The following LGALS8 variants were observed in gnomAD, a reference collection of about 807,000 sequenced individuals.
LGALS8 encodes galectin-8.
In LGALS8, 30 loss-of-function variants were observed where a neutral mutation model predicts 35.9. That is an observed-to-expected ratio of 0.83 (90% CI 0.62 to 1.13). The LOEUF (loss-of-function observed/expected upper bound fraction) is 1.13. Ranked by LOEUF, LGALS8 falls within the 50% of genes most tolerant of loss-of-function variation. The pLI, the probability that LGALS8 is intolerant of heterozygous loss-of-function variation, is 0.00. For missense variants in LGALS8, 366 were observed against 388.7 expected (o/e 0.94, Z 0.49); for synonymous variants, 138 against 136.1 (o/e 1.01, Z -0.10).
intron 4 of LGALS8, 87 bp from the exon 5 acceptor site, chr1:236,540,477 G>A: frequency 7.1e-7 from 1 of 1,413,776 alleles, no homozygotes; most frequent in Non-Finnish European, 9.4e-7. Flanking sequence ...CTGGACGCAA[G>A]GAAACATTTA....
At chr1:236,535,060 CAAAAA>C (rs5781893) in intron 2 of LGALS8, among the ~76,000 whole-genome samples, 1 of 64,902 alleles carries the variant, frequency 1.5e-5, no homozygotes, top group Non-Finnish European at 2.8e-5. Flanking sequence ...GACTCTGTCT[CAAAAA>C]AAAAAAAAAA....
intron 4 of LGALS8, 154 bp from the exon 5 acceptor site, chr1:236,540,410 G>T: frequency 2.7e-6 from 2 of 736,044 alleles, no homozygotes; most frequent in Non-Finnish European, 2.0e-6. Flanking sequence ...AGTGTTTTGG[G>T]TGCTTTCGGT....
rs902975761 is a variant in LGALS8, at chr1:236,529,899, C to T, written c.45+3784C>T. On this transcript the variant is annotated intron_variant, in intron 2 of 9. Coordinates refer to ENST00000366584, the MANE Select transcript of LGALS8 (RefSeq NM_201544.4). The stretch of plus-strand genomic sequence containing the variant: ...AACTCCTGAGCTCAGGCAATCCGCC[C>T]GCCTCGGCCTCCCAAAGTGCTAGGA... Among the ~76,000 whole-genome samples the T allele has an allele frequency of 2.2e-4, 33 of 152,218 alleles. 1 individual carries two copies. The highest frequency in any genetic ancestry group is 2.0e-3 in the Admixed American group (30 of 15,286).
chr1:236,547,466 C>T (rs1662439954), intron 9 of LGALS8, among the ~76,000 whole-genome samples: 1 of 152,136 alleles, frequency 6.6e-6, no homozygotes, highest in African/African-American at 2.4e-5. Context: ...GATCACCAAG[C>T]AGCTGTAAAA....
chr1:236,538,911 T>A lies in LGALS8; in HGVS notation c.167T>A (p.Met56Lys), dbSNP rs747942463. 1.5e-5 allele frequency: 24 copies of A among 1,613,178 alleles called. No homozygotes were observed. Among genetic ancestry groups the A allele is most frequent in the Non-Finnish European group, 1.9e-5 (22 of 1,179,982 alleles). ...FQVDLQNGSS[M>K]KPRADVAFHF... ...GTGGATCTGCAGAATGGCAGCAGCA[T>A]GAAACCTCGAGCCGATGTGGCCTTT... Residue 56 changes from methionine to lysine, a missense_variant, in exon 4 of 10, where the codon ATG (methionine) becomes AAG (lysine). Transcript: ENST00000366584.
chr1:236,543,907 G>C (rs1662192640), intron 8 of LGALS8, among the ~76,000 whole-genome samples: 1 of 151,812 alleles, frequency 6.6e-6, no homozygotes, highest in African/African-American at 2.4e-5. Flanking sequence ...TCCTTGCCTT[G>C]TAGAACTCCA....
Position 236,544,726 on chromosome 1 carries a change from T to C in LGALS8, c.639-24T>C, listed in dbSNP as rs755077179. On this transcript the variant is annotated intron_variant, in intron 8 of 9. Transcript: ENST00000366584. ...TGTCCTACTTGGTTAATTAAGGTTT[T>C]TTTTTTTCTTTCTTTCTCAAAAGCT... The C allele has an allele frequency of 5.7e-6, 9 of 1,570,026 alleles. No homozygotes were observed. In the African/African-American group the frequency reaches 1.2e-4, roughly 22 times the overall value.
chr1:236,525,406 T>A (rs1239727843), intron 1 of LGALS8: 10 of 24,704 alleles, frequency 4.0e-4, no homozygotes, highest in African/African-American at 5.0e-4. Context: ...ATTAATTAAA[T>A]TTTTTTTTTT....
intron 2 of LGALS8, among the ~76,000 whole-genome samples, chr1:236,528,773 G>A (rs1660975278): frequency 6.6e-6 from 1 of 151,222 alleles, no homozygotes; most frequent in Non-Finnish European, 1.5e-5. Context: ...CTCCCGCCTC[G>A]GCCTCCCAAA....
At chr1:236,518,814 G>A (rs10802546), upstream of LGALS8, among the ~76,000 whole-genome samples, 54,547 of 151,914 alleles carry the variant, frequency 0.36, 10,416 homozygotes, top group East Asian at 0.63. Context: ...CCAGCACTTA[G>A]CACCGCTATT....
upstream of LGALS8, among the ~76,000 whole-genome samples, chr1:236,518,675 G>T (rs550675770): frequency 6.6e-6 from 1 of 151,950 alleles, no homozygotes; most frequent in South Asian, 2.1e-4. Flanking sequence ...TATCATTATT[G>T]TCACAGGTTC....
intron 2 of LGALS8, among the ~76,000 whole-genome samples, chr1:236,535,143 A>G (rs562270773): frequency 6.6e-6 from 1 of 151,842 alleles, no homozygotes; most frequent in African/African-American, 2.4e-5. Flanking sequence ...AATGAAACAT[A>G]TAATTAAAAA....
At chr1:236,537,938 A>C (rs1331750234) in intron 3 of LGALS8, among the ~76,000 whole-genome samples, 1 of 90,206 alleles carries the variant, frequency 1.1e-5, no homozygotes, top group African/African-American at 3.5e-5. Flanking sequence ...CATCTGTAAA[A>C]AAAAAAAAAA....
Position 236,549,279 on chromosome 1 carries a change from T to G in LGALS8, c.*1118T>G, listed in dbSNP as rs1234466703. 1 of 283,824 alleles carries G rather than the reference T, an allele frequency of 3.5e-6. No individual in the cohort carries two copies. The highest frequency in any genetic ancestry group is 6.5e-6 in the Non-Finnish European group (1 of 153,778). 17.6% of individuals were successfully genotyped at this position (283,824 alleles called of 1,614,324 possible). A position where few individuals can be genotyped will look rare whatever the true frequency, so the allele number is the denominator to read the frequency against. ...GTATCAGCAAGTTAAATGGTTCCAT[T>G]TCTGTGATTTTTCTATTATTTGAGG... On this transcript the variant is annotated 3_prime_UTR_variant, in exon 10 of 10. Transcript: ENST00000366584.
chr1:236,542,924 A>AGAG, intron 7 of LGALS8, 137 bp downstream of exon 7: 1 of 1,614,212 alleles, frequency 6.2e-7, no homozygotes, highest in Non-Finnish European at 8.5e-7. Context: ...GCCTAGTAAT[A>AGAG]GAGGAGGAGA....
At chr1:236,542,482 A>T (rs1662064638) in intron 6 of LGALS8, 1 of 491,692 alleles carries the variant, frequency 2.0e-6, no homozygotes, top group Non-Finnish European at 3.6e-6. Flanking sequence ...CCTGTCTCTT[A>T]AAAAAATTTC....
rs55866014 is a variant in LGALS8 at position 236,550,992 on chromosome 1, T to TAAAAAAA, written c.*2843_*2849dup. 11 of 1,255,680 alleles carry TAAAAAAA rather than the reference T, an allele frequency of 8.8e-6. No individual in the cohort carries two copies. The highest frequency in any genetic ancestry group is 1.6e-5 in the African/African-American group (1 of 63,786). The allele number at this position is 1,255,680 out of a possible 1,614,324, so 77.8% of individuals were successfully genotyped here. A position where few individuals can be genotyped will look rare whatever the true frequency, so the allele number is the denominator to read the frequency against. On this transcript the variant is annotated 3_prime_UTR_variant, in exon 10 of 10. Transcript: ENST00000366584. ...GATGTTCTACTTCTTCACATTCATCTAAAAAAAAAAAAAAAAAATCAAAAT... is the reference window on the plus strand; with the variant it reads ...GATGTTCTACTTCTTCACATTCATCTAAAAAAAAAAAAAAAAAAAAAAAAATCAAAAT...
chr1:236,546,185 A>AT (rs1164633484), intron 9 of LGALS8, among the ~76,000 whole-genome samples: 1 of 152,054 alleles, frequency 6.6e-6, no homozygotes, highest in African/African-American at 2.4e-5. Flanking sequence ...CATTCCAGGC[A>AT]TTTTTTTGCA....
At chr1:236,536,462 G>C (rs969895879) in intron 2 of LGALS8, 3 of 152,488 alleles carry the variant, frequency 2.0e-5, no homozygotes, top group Non-Finnish European at 4.4e-5. Context: ...AAAAAGGGCT[G>C]GGTTCTGGGC....
Sources: allele counts gnomAD v4.1 joint callset (sites outside exome capture counted in the v4.1 genomes callset), GRCh38; gene constraint gnomAD v4.1.1; transcripts MANE v1.5; gene names NCBI Gene and HGNC (gene_info 2026-07-23, HGNC 2026-07-21).